The following ZNF248 variants were observed in gnomAD, a reference collection of about 807,000 sequenced individuals.
ZNF248 encodes the protein zinc finger protein 248.
In ZNF248, 20 loss-of-function variants were observed where a neutral mutation model predicts 44.3. That is an observed-to-expected ratio of 0.45 (90% CI 0.32 to 0.66). ZNF248 has a LOEUF of 0.66. Ranked by LOEUF, ZNF248 falls within the 30% of genes least tolerant of loss-of-function variation. The probability of loss-of-function intolerance (pLI) is 0.04; values close to 1 mark genes in which losing one functional copy is unlikely to be tolerated. For missense variants in ZNF248, 654 were observed against 677.0 expected, an observed-to-expected ratio of 0.97 and a Z score of 0.38; for synonymous variants, 224 against 229.0, an observed-to-expected ratio of 0.98 and a Z score of 0.20.
At chr10:37,840,675 C>T (rs577456659) in intron 3 of ZNF248, among the ~76,000 whole-genome samples, 17 of 152,004 alleles carry the variant, frequency 1.1e-4, no homozygotes, top group African/African-American at 2.9e-4. Flanking sequence ...CCCAGCTACT[C>T]GGGAGGCTGA....
intron 6 of ZNF248, among the ~76,000 whole-genome samples, chr10:37,780,509 A>C (rs2047152985): frequency 6.6e-6 from 1 of 152,170 alleles, no homozygotes; most frequent in Non-Finnish European, 1.5e-5. Flanking sequence ...TTATACAAAA[A>C]TCAATTCAAG....
intron 6 of ZNF248, chr10:37,820,452 C>G: frequency 1.3e-6 from 2 of 1,587,990 alleles, no homozygotes; most frequent in Non-Finnish European, 1.7e-6. Context: ...GTGCTGCCAT[C>G]TAAACCACAG....
chr10:37,788,719 CTAGAA>C (rs1255256490), intron 6 of ZNF248, among the ~76,000 whole-genome samples: 2 of 152,204 alleles, frequency 1.3e-5, no homozygotes, highest in African/African-American at 4.8e-5. Context: ...TACATAATTA[CTAGAA>C]TAGTTATTAT....
chr10:37,829,964 A>C lies in ZNF248; in HGVS notation c.*1651T>G. The C allele has an allele frequency of 2.0e-6, 2 of 985,438 alleles. No individual in the cohort carries two copies. The highest frequency in any genetic ancestry group is 2.4e-6 in the Non-Finnish European group (2 of 829,940). 61.0% of individuals were successfully genotyped at this position (985,438 alleles called of 1,614,324 possible). On this transcript the variant is annotated 3_prime_UTR_variant, in exon 6 of 6. Coordinates refer to ENST00000395867, the MANE Select transcript of ZNF248 (RefSeq NM_021045.3). Reference sequence around the variant, plus strand: ...AAATTTAGCTCAGCAAGGATGAAGTAGGGAATGGCCATCATGTGGGCAGTG... The same window carrying C: ...AAATTTAGCTCAGCAAGGATGAAGTCGGGAATGGCCATCATGTGGGCAGTG...
rs117887082 is a variant in ZNF248 at position 37,805,498 on chromosome 10, G to C, written c.330+27527C>G. Among the ~76,000 whole-genome samples, 6 of 152,258 alleles carry C rather than the reference G, an allele frequency of 3.9e-5. No individual in the cohort carries two copies. The East Asian group carries it at 1.2e-3, about 29-fold the overall frequency. On this transcript the variant is annotated intron_variant, in intron 6 of 6. Coordinates refer to the ZNF248 transcript ENST00000615949. Reference sequence around the variant, plus strand: ...TTTCCAATGGAATAGACCAAATAAGGAAACTGTACAACTGTAACCCATCAA... The same window carrying C: ...TTTCCAATGGAATAGACCAAATAAGCAAACTGTACAACTGTAACCCATCAA...
the ZNF248 span, among the ~76,000 whole-genome samples, chr10:37,771,241 A>G: frequency 6.6e-6 from 1 of 152,172 alleles, no homozygotes; most frequent in African/African-American, 2.4e-5. Context: ...AGAACTAGAA[A>G]TACCATTTGA....
downstream of ZNF248, chr10:37,776,333 G>A: frequency 2.8e-6 from 1 of 357,988 alleles, no homozygotes; most frequent in East Asian, 4.0e-5. Context: ...CATCATAGTG[G>A]GGAGACCTTC....
At chr10:37,808,838 A>C (rs915561607) in intron 6 of ZNF248, among the ~76,000 whole-genome samples, 2 of 152,094 alleles carry the variant, frequency 1.3e-5, no homozygotes, top group South Asian at 2.1e-4. Flanking sequence ...TTCACCAAGG[A>C]AGGCATCACG....
chr10:37,845,560 A>C (rs2059188584), intron 3 of ZNF248, among the ~76,000 whole-genome samples: 1 of 152,148 alleles, frequency 6.6e-6, no homozygotes, highest in South Asian at 2.1e-4. Context: ...AAAAACTCAA[A>C]GGTAGAATTC....
the ZNF248 span, among the ~76,000 whole-genome samples, chr10:37,760,555 G>A: frequency 6.6e-6 from 1 of 152,192 alleles, no homozygotes; most frequent in East Asian, 1.9e-4. Flanking sequence ...AGTATTATAG[G>A]CTGGGTGCAG....
At chr10:37,836,922 T>C (rs1192898386) in intron 5 of ZNF248, among the ~76,000 whole-genome samples, 1 of 152,048 alleles carries the variant, frequency 6.6e-6, no homozygotes, top group Non-Finnish European at 1.5e-5. Context: ...TAAATGAATA[T>C]ATAGAAGGAT....
rs150009842 is a variant in ZNF248 at position 37,785,457 on chromosome 10, G to A, written c.331-8882C>T. ...TATTGTGCAACAAAAATGGTGCATT[G>A]GGAATTGGGCCTGAACAGGTCTCAG... On this transcript the variant is annotated intron_variant, in intron 6 of 6. Transcript: ENST00000615949. Among the ~76,000 whole-genome samples the A allele has an allele frequency of 2.6e-5, 4 of 152,246 alleles. No homozygotes were observed. In the East Asian group the frequency reaches 7.7e-4, roughly 29 times the overall value.
chr10:37,796,720 T>C (rs1165844331), intron 6 of ZNF248, among the ~76,000 whole-genome samples: 1 of 151,970 alleles, frequency 6.6e-6, no homozygotes, highest in Non-Finnish European at 1.5e-5. Context: ...GCAAAAAAAG[T>C]ATTTGTAAAA....
chr10:37,772,440 A>T (rs2132732677), downstream of ZNF248, among the ~76,000 whole-genome samples: 1 of 152,282 alleles, frequency 6.6e-6, no homozygotes. Context: ...CAGTGTGCTG[A>T]TGGACTAGCC....
chr10:37,812,603 T>C (rs780788672), intron 6 of ZNF248, among the ~76,000 whole-genome samples: 5 of 152,172 alleles, frequency 3.3e-5, no homozygotes, highest in Non-Finnish European at 5.9e-5. Context: ...CATACCTTTC[T>C]AGTAAGGGGC....
At chr10:37,759,350 A>G in the ZNF248 span, among the ~76,000 whole-genome samples, 3 of 152,340 alleles carry the variant, frequency 2.0e-5, no homozygotes, top group South Asian at 6.2e-4. Flanking sequence ...CACACTCCCC[A>G]GAAACATGCA....
intron 6 of ZNF248, among the ~76,000 whole-genome samples, chr10:37,823,557 T>C (rs1297565089): frequency 6.6e-6 from 1 of 151,800 alleles, no homozygotes; most frequent in African/African-American, 2.4e-5. Flanking sequence ...TGACTAGAGA[T>C]GTGTCTTTAT....
chr10:37,852,460 GA>G (rs1321068286), intron 3 of ZNF248, among the ~76,000 whole-genome samples: 2 of 151,992 alleles, frequency 1.3e-5, no homozygotes, highest in South Asian at 4.1e-4. Flanking sequence ...TTAATTTAGG[GA>G]GGAGTAGGGG....
Position 37,832,529 on chromosome 10 carries a change from C to G in ZNF248, c.826G>C (p.Gly276Arg), listed in dbSNP as rs769254103. ...CTTAAATTCATGCAGAAGGACTTCC[C>G]GCAAATACTGCATCCATACGGCTCC... is the stretch of plus-strand genomic sequence containing the variant. ...EMEPYGCSIC[G>R]KSFCMNLRFG... is the part of the protein sequence containing the mutation. Residue 276 changes from glycine (G) to arginine (R), a missense_variant, in exon 6 of 6, where the codon GGG becomes CGG. Coordinates refer to ENST00000395867, the MANE Select transcript of ZNF248 (RefSeq NM_021045.3). 3.1e-6 allele frequency: 5 copies of G among 1,613,858 alleles called. No homozygotes were observed. The South Asian group carries it at 4.4e-5, about 14-fold the overall frequency.
Sources: gnomAD v4.1 joint callset for allele counts (sites outside exome capture counted in the v4.1 genomes callset) on GRCh38, gnomAD v4.1.1 for gene constraint, MANE v1.5 for transcripts, NCBI Gene and HGNC (gene_info 2026-07-23, HGNC 2026-07-21) for gene names.